SOX5: variants seen among roughly 807,000 people sequenced by gnomAD.
The protein encoded by SOX5 is transcription factor SOX-5.
Under a neutral mutation model 92.0 loss-of-function variants are expected in SOX5, and 9 were observed. The observed-to-expected ratio is 0.10, with a 90% CI of 0.06 to 0.17. SOX5 has a LOEUF of 0.17. Among genes scored for constraint, SOX5 ranks in the 10% least tolerant of loss-of-function variants. The probability of loss-of-function intolerance (pLI) is 1.00; values close to 1 mark genes in which losing one functional copy is unlikely to be tolerated. For missense variants in SOX5, 642 were observed against 944.5 expected, an observed-to-expected ratio of 0.68 and a Z score of 4.20; for synonymous variants, 344 against 336.3, an observed-to-expected ratio of 1.02 and a Z score of -0.25.
At chr12:23,742,625 A>G (rs983405584) in intron 4 of SOX5, among the ~76,000 whole-genome samples, 16 of 152,182 alleles carry the variant, frequency 1.1e-4, no homozygotes, top group African/African-American at 4.8e-5. Flanking sequence ...TTCAAGGAAT[A>G]CACACTAGGA....
At chr12:23,574,201 G>A (rs572111461) in intron 10 of SOX5, among the ~76,000 whole-genome samples, 1 of 151,892 alleles carries the variant, frequency 6.6e-6, no homozygotes, top group African/African-American at 2.4e-5. Context: ...ACCACACACA[G>A]CCTTTTTTGG....
At chr12:23,704,232 A>C (rs1329711604) in intron 6 of SOX5, among the ~76,000 whole-genome samples, 1 of 151,760 alleles carries the variant, frequency 6.6e-6, no homozygotes, top group Non-Finnish European at 1.5e-5. Context: ...ATTATTTCAT[A>C]ATTATTATCT....
chr12:23,571,148 G>A (rs938035149), intron 10 of SOX5, among the ~76,000 whole-genome samples: 4 of 148,212 alleles, frequency 2.7e-5, no homozygotes, highest in Admixed American at 1.4e-4. Flanking sequence ...GTAAGTTCCT[G>A]TCTCAAATAA....
intron 4 of SOX5, among the ~76,000 whole-genome samples, chr12:24,206,626 A>G (rs1191905942): frequency 6.6e-6 from 1 of 151,904 alleles, no homozygotes; most frequent in Non-Finnish European, 1.5e-5. Flanking sequence ...ACTGGTGTAC[A>G]GCTTCGTGAC....
chr12:24,436,858 G>A (rs1031865998), intron 1 of SOX5, among the ~76,000 whole-genome samples: 4 of 152,076 alleles, frequency 2.6e-5, no homozygotes, highest in South Asian at 4.2e-4. Context: ...GAAAGCCAAC[G>A]CTTATTTACC....
chr12:24,534,087 C>T (rs922242443), intron 1 of SOX5, among the ~76,000 whole-genome samples: 1 of 152,150 alleles, frequency 6.6e-6, no homozygotes, highest in Non-Finnish European at 1.5e-5. Context: ...CAAATATACT[C>T]TCATTCTAGG....
At chr12:23,549,100 G>GT (rs993879459) in intron 11 of SOX5, among the ~76,000 whole-genome samples, 3 of 151,966 alleles carry the variant, frequency 2.0e-5, no homozygotes, top group Middle Eastern at 3.4e-3. Flanking sequence ...TTCTAAAAGT[G>GT]TTTTTTCATA....
At chr12:24,151,869 AAAT>A (rs1431102119) in intron 4 of SOX5, among the ~76,000 whole-genome samples, 1 of 152,014 alleles carries the variant, frequency 6.6e-6, no homozygotes, top group Admixed American at 6.6e-5. Flanking sequence ...GTAAAAAAAT[AAAT>A]AAATAAATAA....
At chr12:24,512,268 G>A (rs994098299) in intron 1 of SOX5, among the ~76,000 whole-genome samples, 8 of 152,068 alleles carry the variant, frequency 5.3e-5, no homozygotes, top group African/African-American at 1.2e-4. Flanking sequence ...CCTAAAACAC[G>A]GATACTTGAT....
intron 1 of SOX5, among the ~76,000 whole-genome samples, chr12:24,386,057 CTG>C (rs1566041039): frequency 2.0e-5 from 3 of 151,286 alleles, no homozygotes. Context: ...GTTTTGGAAA[CTG>C]TGATTTTAAG....
chr12:24,482,663 T>C (rs556150872), intron 1 of SOX5, among the ~76,000 whole-genome samples: 2 of 152,356 alleles, frequency 1.3e-5, no homozygotes, highest in South Asian at 2.1e-4. Context: ...GTTCATTCTA[T>C]AAAATGTATA....
intron 2 of SOX5, among the ~76,000 whole-genome samples, chr12:24,322,234 T>C (rs965228334): frequency 1.3e-5 from 2 of 152,158 alleles, no homozygotes; most frequent in African/African-American, 4.8e-5. Context: ...ACACCGATGG[T>C]AAATCTAAGA....
chr12:24,315,716 T>G (rs1054046084), intron 2 of SOX5, among the ~76,000 whole-genome samples: 2 of 152,126 alleles, frequency 1.3e-5, no homozygotes, highest in African/African-American at 4.8e-5. Flanking sequence ...CAGCAAATCA[T>G]TTAGAAATCT....
chr12:24,118,469 C>G (rs80037651), intron 4 of SOX5, among the ~76,000 whole-genome samples: 117 of 152,168 alleles, frequency 7.7e-4, no homozygotes, highest in Non-Finnish European at 1.5e-3. Context: ...TTCATTGACA[C>G]AGACAGTTCT....
intron 11 of SOX5, among the ~76,000 whole-genome samples, chr12:23,560,445 A>T (rs1303285234): frequency 6.6e-6 from 1 of 152,260 alleles, no homozygotes; most frequent in Non-Finnish European, 1.5e-5. Flanking sequence ...CTATATGCAT[A>T]GATATGTGGT....
chr12:23,617,128 G>GAAAA (rs34672362), intron 8 of SOX5, among the ~76,000 whole-genome samples: 20 of 106,146 alleles, frequency 1.9e-4, no homozygotes, highest in Non-Finnish European at 2.5e-4. Flanking sequence ...TCTGTCTCAA[G>GAAAA]AAAAAAAAAA....
At chr12:24,114,402 C>G (rs1947733084) in intron 4 of SOX5, among the ~76,000 whole-genome samples, 1 of 151,312 alleles carries the variant, frequency 6.6e-6, no homozygotes, top group East Asian at 1.9e-4. Flanking sequence ...CATGGTGAAA[C>G]CCCATCTCTT....
intron 1 of SOX5, among the ~76,000 whole-genome samples, chr12:24,418,741 A>C (rs1965438707): frequency 6.6e-6 from 1 of 152,194 alleles, no homozygotes; most frequent in South Asian, 2.1e-4. Flanking sequence ...TTTTTCAAAA[A>C]ATACCCCAAT....
At chr12:23,871,031 G>A (rs2096867263) in intron 2 of SOX5, among the ~76,000 whole-genome samples, 1 of 152,048 alleles carries the variant, frequency 6.6e-6, no homozygotes, top group South Asian at 2.1e-4. Flanking sequence ...TTAGATGAAA[G>A]GACTACTATC....
Sources: allele counts gnomAD v4.1 joint callset (sites outside exome capture counted in the v4.1 genomes callset), GRCh38; gene constraint gnomAD v4.1.1; transcripts MANE v1.5; gene names NCBI Gene and HGNC (gene_info 2026-07-23, HGNC 2026-07-21).